Variants in COLEC10 observed in about 807,000 individuals in gnomAD.
COLEC10 encodes the protein collectin-10.
In COLEC10, 22 loss-of-function variants were observed where a neutral mutation model predicts 28.4. That is an observed-to-expected ratio of 0.78 (90% CI 0.55 to 1.11). The LOEUF (loss-of-function observed/expected upper bound fraction) is 1.11, where lower values mean the gene tolerates loss of function less well. Among genes scored for constraint, COLEC10 ranks in the 50% least tolerant of loss-of-function variants. The pLI, the probability that COLEC10 is intolerant of heterozygous loss-of-function variation, is 0.00. For synonymous variants in COLEC10, 125 were observed against 116.1 expected (o/e 1.08, Z -0.49); for missense variants, 361 against 344.1 (o/e 1.05, Z -0.39).
the COLEC10 span, among the ~76,000 whole-genome samples, chr8:118,984,048 A>T: frequency 6.6e-6 from 1 of 152,154 alleles, no homozygotes; most frequent in South Asian, 2.1e-4. Context: ...TAATTGCAAC[A>T]CTATTCACAA....
chr8:119,042,779 C>G (rs1814522083), intron 2 of COLEC10, among the ~76,000 whole-genome samples: 1 of 152,164 alleles, frequency 6.6e-6, no homozygotes, highest in South Asian at 2.1e-4. Context: ...TACCTGTCTT[C>G]TAAATATTGC....
At chr8:119,073,489 A>G (rs1195181665) in intron 1 of COLEC10, among the ~76,000 whole-genome samples, 1 of 152,150 alleles carries the variant, frequency 6.6e-6, no homozygotes, top group African/African-American at 2.4e-5. Context: ...GTATTAATTC[A>G]CTAGATTCTT....
At chr8:119,055,484 C>T (rs1049177183) in intron 2 of COLEC10, among the ~76,000 whole-genome samples, 1 of 152,002 alleles carries the variant, frequency 6.6e-6, no homozygotes, top group African/African-American at 2.4e-5. Context: ...AAATGGTGAG[C>T]TTAGATACAG....
chr8:119,042,286 C>T (rs1013404788), intron 2 of COLEC10, among the ~76,000 whole-genome samples: 1 of 152,162 alleles, frequency 6.6e-6, no homozygotes, highest in Admixed American at 6.5e-5. Flanking sequence ...CCATGAGCCA[C>T]TGCACCCAGC....
intron 2 of COLEC10, among the ~76,000 whole-genome samples, chr8:119,057,102 C>T (rs1814775584): frequency 1.3e-5 from 2 of 152,090 alleles, no homozygotes; most frequent in South Asian, 2.1e-4. Context: ...AAATTGTAAT[C>T]CCCACGTGTT....
chr8:118,956,681 A>G, the COLEC10 span, among the ~76,000 whole-genome samples: 198 of 152,324 alleles, frequency 1.3e-3, no homozygotes, highest in African/African-American at 4.5e-3. Context: ...TGGCTTCTGA[A>G]CAAATAAATG....
intron 1 of COLEC10, among the ~76,000 whole-genome samples, chr8:119,069,805 C>T (rs188314384): frequency 2.2e-4 from 33 of 151,184 alleles, no homozygotes; most frequent in Non-Finnish European, 3.8e-4. Flanking sequence ...TAAAGGTCTG[C>T]GTTATTACTG....
At chr8:119,063,244 TG>T (rs1274719011), upstream of COLEC10, 1 of 152,176 alleles carries the variant, frequency 6.6e-6, no homozygotes, top group Non-Finnish European at 1.5e-5. Flanking sequence ...CCAGTTACTG[TG>T]GATGAAGAGC....
intron 2 of COLEC10, among the ~76,000 whole-genome samples, chr8:119,039,317 C>T (rs1814452245): frequency 6.6e-6 from 1 of 152,182 alleles, no homozygotes; most frequent in Admixed American, 6.5e-5. Context: ...CCCAGTCCGT[C>T]CTGTTCACTC....
At chr8:119,051,195 A>T (rs1159235144) in intron 2 of COLEC10, among the ~76,000 whole-genome samples, 1 of 152,228 alleles carries the variant, frequency 6.6e-6, no homozygotes, top group Non-Finnish European at 1.5e-5. Context: ...TCAAAATTGA[A>T]TAAATAAAAG....
intron 1 of COLEC10, among the ~76,000 whole-genome samples, chr8:118,998,548 T>A (rs1813632146): frequency 1.3e-5 from 2 of 151,982 alleles, no homozygotes; most frequent in Admixed American, 1.3e-4. Context: ...GGTAAAAATT[T>A]AAGAACTTGG....
chr8:119,069,376 C>T (rs992569464), intron 1 of COLEC10, among the ~76,000 whole-genome samples: 1 of 151,738 alleles, frequency 6.6e-6, no homozygotes, highest in Non-Finnish European at 1.5e-5. Context: ...AGGTGGATCA[C>T]TTGAGTCCAA....
rs374765815 is a variant in COLEC10, at chr8:119,032,297, C to T, written n.235+22744C>T. 4.6e-5 allele frequency among the ~76,000 whole-genome samples: 7 copies of T among 152,296 alleles called. 1 individual carries two copies. The highest frequency in any genetic ancestry group is 1.2e-4 in the African/African-American group (5 of 41,560). ...AAATTAAAGACCTGTGTAGCCCCTT[C>T]AAACTTTGCTATTCTACGGTTTTTG... is the stretch of plus-strand genomic sequence containing the variant. On this transcript the variant is annotated intron_variant and non_coding_transcript_variant, in intron 2 of 6. Coordinates refer to the COLEC10 transcript ENST00000521788.
intron 2 of COLEC10, among the ~76,000 whole-genome samples, chr8:119,056,935 A>G (rs1237743589): frequency 6.6e-6 from 1 of 151,962 alleles, no homozygotes; most frequent in East Asian, 1.9e-4. Flanking sequence ...TCAGTTCCTC[A>G]AACACATCAT....
chr8:119,092,911 A>G (rs1010152601), intron 3 of COLEC10, among the ~76,000 whole-genome samples: 3 of 151,664 alleles, frequency 2.0e-5, no homozygotes, highest in African/African-American at 7.3e-5. Flanking sequence ...ATCTCAAAGA[A>G]AAAAAAAAGA....
At chr8:119,075,328 T>G (rs1468828943) in intron 1 of COLEC10, among the ~76,000 whole-genome samples, 1 of 152,260 alleles carries the variant, frequency 6.6e-6, no homozygotes, top group African/African-American at 2.4e-5. Context: ...TTTTTTTGCA[T>G]TATGCATTGG....
At chr8:118,954,922 T>C in the COLEC10 span, among the ~76,000 whole-genome samples, 1 of 152,196 alleles carries the variant, frequency 6.6e-6, no homozygotes, top group African/African-American at 2.4e-5. Context: ...AGGAAAGCAA[T>C]TGACTTAGGT....
chr8:118,969,486 G>A, the COLEC10 span, among the ~76,000 whole-genome samples: 1 of 151,926 alleles, frequency 6.6e-6, no homozygotes, highest in East Asian at 1.9e-4. Flanking sequence ...CATCTGCCAG[G>A]CACTGTTAGC....
At chr8:119,082,307 A>C (rs534511965) in intron 1 of COLEC10, among the ~76,000 whole-genome samples, 1 of 152,320 alleles carries the variant, frequency 6.6e-6, no homozygotes, top group South Asian at 2.1e-4. Flanking sequence ...TCAATCCATT[A>C]ATCAGCCATT....
Sources: gnomAD v4.1 joint callset for allele counts (sites outside exome capture counted in the v4.1 genomes callset) on GRCh38, gnomAD v4.1.1 for gene constraint, MANE v1.5 for transcripts, NCBI Gene and HGNC (gene_info 2026-07-23, HGNC 2026-07-21) for gene names.